Variants in NTN1 observed in about 807,000 individuals in gnomAD.
The protein encoded by NTN1 is netrin-1.
In NTN1, 11 loss-of-function variants were observed where a neutral mutation model predicts 54.2. The ratio of observed to expected loss-of-function variants is 0.20; its 90% CI spans 0.13 to 0.34. The LOEUF is 0.34. NTN1 is among the 10% of genes least tolerant of loss of function. The pLI is 1.00. For missense variants in NTN1, 740 were observed against 893.1 expected (o/e 0.83, Z 2.18); for synonymous variants, 371 against 382.0 (o/e 0.97, Z 0.33).
chr17:9,034,510 C>T (rs1431400652), intron 2 of NTN1, among the ~76,000 whole-genome samples: 1 of 151,542 alleles, frequency 6.6e-6, no homozygotes, highest in Admixed American at 6.6e-5. Context: ...ACAGCCTCCG[C>T]CTCTCAGATT....
chr17:9,206,304 C>T (rs1215982533), intron 5 of NTN1, among the ~76,000 whole-genome samples: 2 of 152,190 alleles, frequency 1.3e-5, no homozygotes, highest in African/African-American at 4.8e-5. Flanking sequence ...AATTTGTTTT[C>T]CAATCCATCT....
chr17:9,107,605 G>A (rs2092171989), intron 2 of NTN1, among the ~76,000 whole-genome samples: 4 of 152,234 alleles, frequency 2.6e-5, no homozygotes, highest in Admixed American at 2.6e-4. Context: ...ACAGGCTGGG[G>A]ACATTCTGGT....
chr17:9,099,129 C>T (rs528848682), intron 2 of NTN1, among the ~76,000 whole-genome samples: 3 of 152,306 alleles, frequency 2.0e-5, no homozygotes, highest in East Asian at 3.9e-4. Context: ...ATTGGCCGGG[C>T]GCAGTGGCGC....
At chr17:9,158,482 G>A (rs2092349357) in intron 2 of NTN1, among the ~76,000 whole-genome samples, 1 of 152,208 alleles carries the variant, frequency 6.6e-6, no homozygotes, top group Non-Finnish European at 1.5e-5. Flanking sequence ...CTGTCCCCAG[G>A]CAGGTGTTCC....
At chr17:9,185,084 G>T (rs2092429369) in intron 5 of NTN1, among the ~76,000 whole-genome samples, 4 of 152,206 alleles carry the variant, frequency 2.6e-5, no homozygotes, top group Non-Finnish European at 5.9e-5. Context: ...GAGTGAGCAG[G>T]TTGGAAGCCT....
At chr17:9,154,902 A>G (rs1411836605) in intron 2 of NTN1, among the ~76,000 whole-genome samples, 2 of 152,042 alleles carry the variant, frequency 1.3e-5, no homozygotes, top group Non-Finnish European at 2.9e-5. Context: ...CCTCCTTGCA[A>G]AGGCTCTCTG....
Position 9,243,817 on chromosome 17 carries a change from T to A in NTN1, c.*3849T>A, listed in dbSNP as rs1199821115. 6.6e-6 allele frequency: 1 copy of A among 150,826 alleles called. No homozygotes were observed. Among genetic ancestry groups the A allele is most frequent in the Non-Finnish European group, 1.5e-5 (1 of 67,756 alleles). 9.3% of individuals were successfully genotyped at this position (150,826 alleles called of 1,614,324 possible). ...CCCTTTCCAATGCATACTAATATATTATGGTTATTATATATGAATATATTT... is the reference window on the plus strand; with the variant it reads ...CCCTTTCCAATGCATACTAATATATAATGGTTATTATATATGAATATATTT... On this transcript the variant is annotated 3_prime_UTR_variant, in exon 7 of 7. Transcript: ENST00000173229.
At chr17:9,110,480 G>A (rs1378575527) in intron 2 of NTN1, among the ~76,000 whole-genome samples, 1 of 152,008 alleles carries the variant, frequency 6.6e-6, no homozygotes, top group East Asian at 1.9e-4. Context: ...ATGTTGGCCA[G>A]GCTGGTCTTG....
At position 9,221,376 on chromosome 17, in the gene NTN1, C is replaced by T. The variant is rs377704877; in HGVS notation, c.1486+134C>T. 4.7e-5 allele frequency: 33 copies of T among 707,688 alleles called. No individual in the cohort carries two copies. The highest frequency in any genetic ancestry group is 1.3e-4 in the South Asian group (8 of 63,294). 43.8% of individuals were successfully genotyped at this position (707,688 alleles called of 1,614,324 possible). ...CTGTGACCGATGGGAACTAGCCGGA[C>T]GGATCCCACGCCTGGGAATTTCTCA... On this transcript the variant is annotated intron_variant, in intron 6 of 6. Transcript: ENST00000173229. This position sits in a 1 kb window ranked among gnomAD's most constrained non-coding sequence, Gnocchi z 4.5.
chr17:9,100,913 T>A (rs2092148541), intron 2 of NTN1, among the ~76,000 whole-genome samples: 1 of 152,202 alleles, frequency 6.6e-6, no homozygotes, highest in Admixed American at 6.5e-5. Flanking sequence ...CCTCTTTGTT[T>A]TAGTTCATGC....
Position 9,182,962 on chromosome 17 carries a change from G to T in NTN1, c.1404G>T (p.Glu468Asp). Reference protein sequence around the residue: ...PPTTAASSVEEPEDCDSYCKA... With the variant: ...PPTTAASSVEDPEDCDSYCKA... ...CGACTGCAGCCAGCAGCGTGGAGGA[G>T]CCTGAAGGTAAACGGCCCCCTTCGC... The change falls in exon 5 of 7, where the codon GAG (glutamate) becomes GAT (aspartate). Residue 468 changes from glutamate (E) to aspartate (D), a missense_variant. Physicochemically the swap from Glu to Asp is conservative, Grantham distance 45. Transcript: ENST00000173229. 1 of 1,614,104 alleles carries T rather than the reference G, an allele frequency of 6.2e-7. No homozygotes were observed. The highest frequency in any genetic ancestry group is 8.5e-7 in the Non-Finnish European group (1 of 1,180,022).
At chr17:9,012,559 T>C in the NTN1 span, among the ~76,000 whole-genome samples, 1 of 151,240 alleles carries the variant, frequency 6.6e-6, no homozygotes, top group African/African-American at 2.4e-5. Context: ...ACAAGCTCTG[T>C]CTTGGGACTT....
At chr17:9,172,770 G>C (rs949575966) in intron 3 of NTN1, 1 of 152,092 alleles carries the variant, frequency 6.6e-6, no homozygotes, top group African/African-American at 2.4e-5. Context: ...CCAGCACTTT[G>C]GGAGGCCAAG....
intron 2 of NTN1, among the ~76,000 whole-genome samples, chr17:9,083,440 C>T (rs148884229): frequency 0.01 from 1,551 of 152,352 alleles, 24 homozygotes; most frequent in South Asian, 0.051. Context: ...TTCCATGCTC[C>T]TTGCCACGTG....
intron 2 of NTN1, among the ~76,000 whole-genome samples, chr17:9,158,314 G>A (rs977625578): frequency 6.6e-6 from 1 of 152,176 alleles, no homozygotes; most frequent in African/African-American, 2.4e-5. Flanking sequence ...AGTGGAGGCT[G>A]AGCTCCCAGA....
intron 3 of NTN1, among the ~76,000 whole-genome samples, chr17:9,170,056 C>T (rs557002041): frequency 3.9e-5 from 6 of 152,088 alleles, no homozygotes; most frequent in South Asian, 2.1e-4. Context: ...CTTATGGGGC[C>T]GGGGGCAGGT....
intron 2 of NTN1, among the ~76,000 whole-genome samples, chr17:9,063,257 C>T (rs1334418325): frequency 1.3e-5 from 2 of 151,904 alleles, no homozygotes; most frequent in Non-Finnish European, 2.9e-5. Flanking sequence ...CCACCATGCT[C>T]AGCTAATTTT....
At chr17:9,069,068 C>T (rs557667140) in intron 2 of NTN1, among the ~76,000 whole-genome samples, 9 of 152,220 alleles carry the variant, frequency 5.9e-5, no homozygotes, top group Middle Eastern at 3.4e-3. Context: ...TTTTCCTATC[C>T]TTGCAAATAG....
chr17:9,115,910 A>G (rs899331393), intron 2 of NTN1, among the ~76,000 whole-genome samples: 1 of 152,262 alleles, frequency 6.6e-6, no homozygotes, highest in African/African-American at 2.4e-5. Flanking sequence ...CTCTATGAAC[A>G]GTCGGAGAAT....
Sources: allele counts gnomAD v4.1 joint callset (sites outside exome capture counted in the v4.1 genomes callset), GRCh38; gene constraint gnomAD v4.1.1; non-coding constraint Gnocchi (gnomAD v3.1); transcripts MANE v1.5; gene names NCBI Gene and HGNC (gene_info 2026-07-23, HGNC 2026-07-21).